The following TNC variants were observed in gnomAD, a reference collection of about 807,000 sequenced individuals.
The protein encoded by TNC is tenascin C.
A neutral mutation model predicts 202.4 loss-of-function variants in TNC; 109 were observed. The observed-to-expected ratio is 0.54, with a 90% confidence interval of 0.46 to 0.63. TNC has a LOEUF of 0.63. TNC is among the 30% of genes least tolerant of loss of function. The pLI is 0.00. For synonymous variants in TNC, 1,007 were observed against 1,089.7 expected (o/e 0.92, Z 1.50); for missense variants, 2,756 against 2,833.3 (o/e 0.97, Z 0.62).
intron 26 of TNC, 130 bp downstream of exon 26, chr9:115,026,404 G>T: frequency 2.0e-6 from 2 of 995,512 alleles, no homozygotes; most frequent in Non-Finnish European, 2.9e-6. Context: ...CACTCAGTAG[G>T]TACTTAAATA....
chr9:115,026,220 AT>A (rs555770424), intron 26 of TNC, among the ~76,000 whole-genome samples: 7 of 150,758 alleles, frequency 4.6e-5, no homozygotes, highest in East Asian at 1.9e-4. Flanking sequence ...CCTTTGGGGA[AT>A]TTTTTTTTTA....
intron 1 of TNC, among the ~76,000 whole-genome samples, chr9:115,112,049 A>T (rs531508103): frequency 6.6e-6 from 1 of 152,354 alleles, no homozygotes; most frequent in South Asian, 2.1e-4. Flanking sequence ...GGTATGCAGT[A>T]ATAGATAATG....
Position 115,087,175 on chromosome 9 carries a change from A to C in TNC, c.556T>G (p.Ser186Ala). 6.2e-7 allele frequency: 1 copy of C among 1,614,206 alleles called. No individual in the cohort carries two copies. Among genetic ancestry groups the C allele is most frequent in the African/African-American group, 1.3e-5 (1 of 75,050 alleles). The change falls in exon 3 of 28, where the codon TCT (serine) becomes GCT (alanine). Residue 186 changes from serine to alanine, a missense_variant. Physicochemically the swap from Ser to Ala is moderately conservative, Grantham distance 99 (BLOSUM62 1). Coordinates refer to ENST00000350763, the MANE Select transcript of TNC (RefSeq NM_002160.4). Reference sequence around the variant, plus strand: ...CAGTTGCCTGGACATTCGGGCTCAGAGCAGTTGGGGCCTTTCCAGCCAGGT... The same window carrying C: ...CAGTTGCCTGGACATTCGGGCTCAGCGCAGTTGGGGCCTTTCCAGCCAGGT... ...CEPGWKGPNC[S>A]EPECPGNCHL...
At chr9:115,112,518 G>A (rs528318238) in intron 1 of TNC, 4 of 152,282 alleles carry the variant, frequency 2.6e-5, no homozygotes, top group African/African-American at 9.6e-5. Context: ...TTAAAATCCA[G>A]TCTGCAAGAT....
In TNC at chr9:115,046,570, T is replaced by G; in HGVS notation, c.4965A>C (p.Arg1655Ser). 1 of 1,614,086 alleles carries G rather than the reference T, an allele frequency of 6.2e-7. No homozygotes were observed. The highest frequency in any genetic ancestry group is 8.5e-7 in the Non-Finnish European group (1 of 1,179,990). The change falls in exon 17 of 28, where the codon AGA becomes AGC. Residue 1655 changes from arginine (R) to serine (S), a missense_variant. Physicochemically the swap from Arg to Ser is moderately radical, Grantham distance 110 (BLOSUM62 -1). Coordinates refer to ENST00000350763, the MANE Select transcript of TNC (RefSeq NM_002160.4). ...GVFDNFVLKI[R>S]DTKKQSEPLE... ...GTGGCTCAGACTGCTTTTTGGTATC[T>G]CTGATTTTGAGAACAAAATTGTCGA...
chr9:115,045,956 G>T (rs1299392968), intron 17 of TNC, among the ~76,000 whole-genome samples: 2 of 151,954 alleles, frequency 1.3e-5, no homozygotes, highest in Non-Finnish European at 2.9e-5. Flanking sequence ...ACTTGGTATA[G>T]CTCGAACATT....
Position 115,064,891 on chromosome 9 carries a change from G to A in TNC, c.3243C>T (p.Thr1081=), listed in dbSNP as rs373432241. ...TEQAPELENL[T]VTEVGWDGLR... Reference sequence around the variant, plus strand: ...GGCCATCCCAGCCAACCTCAGTCACGGTGAGGTTTTCCAGCTCAGGGGCTT... The same window carrying A: ...GGCCATCCCAGCCAACCTCAGTCACAGTGAGGTTTTCCAGCTCAGGGGCTT... Residue 1081 remains threonine, a synonymous_variant, in exon 11 of 28, where the codon ACC becomes ACT. Coordinates refer to ENST00000350763, the MANE Select transcript of TNC (RefSeq NM_002160.4). The A allele has an allele frequency of 2.4e-5, 38 of 1,614,018 alleles. No individual in the cohort carries two copies. Among genetic ancestry groups the A allele is most frequent in the Admixed American group, 2.2e-4 (13 of 60,002 alleles).
At chr9:115,107,872 C>T (rs1836736394) in intron 1 of TNC, among the ~76,000 whole-genome samples, 2 of 152,176 alleles carry the variant, frequency 1.3e-5, no homozygotes, top group South Asian at 4.1e-4. Flanking sequence ...CATGTAAGCA[C>T]CAAAATATTT....
At position 115,111,494 on chromosome 9, in the gene TNC, C is replaced by T. The variant is rs530859507; in HGVS notation, c.-137+6488G>A. 1.1e-4 allele frequency among the ~76,000 whole-genome samples: 15 copies of T among 136,950 alleles called. No homozygotes were observed. The East Asian group carries it at 1.9e-3, about 17-fold the overall frequency. 89.8% of individuals were successfully genotyped at this position (136,950 alleles called of 152,430 possible). On this transcript the variant is annotated intron_variant, in intron 1 of 27. Coordinates refer to ENST00000350763, the MANE Select transcript of TNC (RefSeq NM_002160.4). ...CTCGATCTTGGCTCACTGCAACCTACGACTCCCAAGTTCAAGTGATTCTCC... is the reference window on the plus strand; with the variant it reads ...CTCGATCTTGGCTCACTGCAACCTATGACTCCCAAGTTCAAGTGATTCTCC...
At chr9:115,038,235 G>C in intron 20 of TNC, 26 bp downstream of exon 20, 1 of 1,610,600 alleles carries the variant, frequency 6.2e-7, no homozygotes. Context: ...TCCTTAGAGT[G>C]AGGAGAGACT....
Position 115,073,443 on chromosome 9 carries a change from C to T in TNC, c.3214+160G>A, listed in dbSNP as rs141815187. On this transcript the variant is annotated intron_variant, in intron 10 of 27. Coordinates refer to ENST00000350763, the MANE Select transcript of TNC (RefSeq NM_002160.4). ...ATCAGTTGACAGGAGGTAGAAAAGA[C>T]GAGTAAGCAGCCCTTTCAAAGTGGT... Among the ~76,000 whole-genome samples, 39 of 152,264 alleles carry T rather than the reference C, an allele frequency of 2.6e-4. No individual in the cohort carries two copies. In the East Asian group the frequency reaches 3.3e-3, roughly 13 times the overall value.
In TNC at chr9:115,076,439, C is replaced by T; in HGVS notation, c.2811G>A (p.Glu937=). Residue 937 remains glutamate, a synonymous_variant, in exon 8 of 28, where the codon GAG becomes GAA. Transcript: ENST00000350763. Reference sequence around the variant, plus strand: ...CTTGTTGGCTCTTTGGAACATCAACCTCAGCGTGGTCCCCTCCAGAGATGG... The same window carrying T: ...CTTGTTGGCTCTTTGGAACATCAACTTCAGCGTGGTCCCCTCCAGAGATGG... ...YAPISGGDHA[E]VDVPKSQQAT... is the part of the protein sequence containing the mutation. The T allele has an allele frequency of 6.2e-7, 1 of 1,614,158 alleles. No homozygotes were observed. The highest frequency in any genetic ancestry group is 2.2e-5 in the East Asian group (1 of 44,882).
chr9:115,095,399 C>A (rs183507166), intron 1 of TNC, among the ~76,000 whole-genome samples: 2 of 149,498 alleles, frequency 1.3e-5, no homozygotes, highest in South Asian at 4.2e-4. Context: ...AAAGTGAGAA[C>A]TTTTCCTCTC....
At chr9:115,034,473 G>A (rs1830171121) in intron 22 of TNC, among the ~76,000 whole-genome samples, 1 of 152,146 alleles carries the variant, frequency 6.6e-6, no homozygotes, top group East Asian at 1.9e-4. Context: ...CTCAACAACA[G>A]CAGCAAAACA....
rs1373637511 is a variant in TNC, at chr9:115,021,185, T to C, written c.6578A>G (p.Asn2193Ser). The change falls in exon 28 of 28, where the codon AAT (asparagine) becomes AGT (serine). Residue 2193 changes from asparagine (N) to serine (S), a missense_variant. Coordinates refer to ENST00000350763, the MANE Select transcript of TNC (RefSeq NM_002160.4). Reference sequence around the variant, plus strand: ...TGCCCGTTTGCGCCTGCCTTCAAGATTTCTGAAGTTGCTTGGTCTCAGCTT... The same window carrying C: ...TGCCCGTTTGCGCCTGCCTTCAAGACTTCTGAAGTTGCTTGGTCTCAGCTT... ...EMKLRPSNFR[N>S]LEGRRKRA 6.2e-7 allele frequency: 1 copy of C among 1,613,974 alleles called. No individual in the cohort carries two copies. Among genetic ancestry groups the C allele is most frequent in the Non-Finnish European group, 8.5e-7 (1 of 1,179,960 alleles).
At chr9:115,082,628 A>G in intron 5 of TNC, 64 bp downstream of exon 5, 2 of 1,229,588 alleles carry the variant, frequency 1.6e-6, no homozygotes. Context: ...AGAAGTCTTC[A>G]GAACCCTTTG....
intron 14 of TNC, among the ~76,000 whole-genome samples, chr9:115,059,037 T>A (rs1376367538): frequency 6.6e-6 from 1 of 152,226 alleles, no homozygotes; most frequent in Admixed American, 6.5e-5. Context: ...GCCCAGGACA[T>A]TCCTTGTTCC....
intron 22 of TNC, 115 bp from the exon 23 acceptor site, chr9:115,031,800 C>A (rs1241105839): frequency 7.5e-7 from 1 of 1,341,016 alleles, no homozygotes; most frequent in Non-Finnish European, 1.0e-6. Context: ...ACTTACTGGA[C>A]AAGAATTCAT....
chr9:115,029,244 CAGA>C (rs1046068624), intron 25 of TNC, 113 bp downstream of exon 25: 3 of 817,634 alleles, frequency 3.7e-6, no homozygotes, highest in Non-Finnish European at 6.1e-6. Context: ...TGTCTGCCAC[CAGA>C]AGTAGTTCTT....
Sources: gnomAD v4.1 joint callset for allele counts (sites outside exome capture counted in the v4.1 genomes callset) on GRCh38, gnomAD v4.1.1 for gene constraint, MANE v1.5 for transcripts, NCBI Gene and HGNC (gene_info 2026-07-23, HGNC 2026-07-21) for gene names.